Variants in NMRK2 observed in about 807,000 individuals in gnomAD.
The protein encoded by NMRK2 is NRK 2.
In NMRK2, 34 loss-of-function variants were observed where a neutral mutation model predicts 24.7. The observed-to-expected ratio is 1.37, with a 90% CI of 1.05 to 1.83. The LOEUF (loss-of-function observed/expected upper bound fraction) is 1.83. NMRK2 is among the 40% of genes most tolerant of loss of function. The probability of loss-of-function intolerance (pLI) is 0.00; values close to 1 mark genes in which losing one functional copy is unlikely to be tolerated. For synonymous variants in NMRK2, 145 were observed against 125.6 expected, an observed-to-expected ratio of 1.15 and a Z score of -1.03; for missense variants, 341 against 315.0, an observed-to-expected ratio of 1.08 and a Z score of -0.62.
rs768115503 is a variant in NMRK2, at chr19:3,941,073, C to T, written c.398C>T (p.Thr133Ile). 2.5e-6 allele frequency: 4 copies of T among 1,608,790 alleles called. No homozygotes were observed. In the South Asian group the frequency reaches 3.3e-5, roughly 13 times the overall value. The change falls in exon 7 of 8, where the codon ACC (threonine) becomes ATC (isoleucine). Residue 133 changes from threonine to isoleucine, a missense_variant and splice_region_variant. Transcript: ENST00000168977. ...ATCCTTGCCTTCTCCCTCTGCAGTA[C>T]CCGCAACTACACAGTCCCTGATCCC... ...PYEECKWRRS[T>I]RNYTVPDPPG...
rs199559387 is a variant in NMRK2, at chr19:3,938,641, G to T, written c.205G>T (p.Val69Leu). Reference protein sequence around the residue: ...SLDMEAMLDTVQAWLSSPQKF... With the variant: ...SLDMEAMLDTLQAWLSSPQKF... ...GGACATGGAGGCCATGCTGGACACCGTGCAGGCCTGGCTGAGCAGCCCGCA... is the reference window on the plus strand; with the variant it reads ...GGACATGGAGGCCATGCTGGACACCTTGCAGGCCTGGCTGAGCAGCCCGCA... Residue 69 changes from valine (V) to leucine (L), a missense_variant, in exon 5 of 8, where the codon GTG becomes TTG. Coordinates refer to ENST00000168977, the MANE Select transcript of NMRK2 (RefSeq NM_170678.3). The T allele has an allele frequency of 1.3e-4, 212 of 1,609,188 alleles. No homozygotes were observed. In the African/African-American group the frequency reaches 2.6e-3, roughly 20 times the overall value.
At chr19:3,935,584 T>C (rs1197098037) in intron 2 of NMRK2, among the ~76,000 whole-genome samples, 1 of 151,246 alleles carries the variant, frequency 6.6e-6, no homozygotes, top group Non-Finnish European at 1.5e-5. Context: ...TATTTATGTA[T>C]TTATTTATTT....
intron 1 of NMRK2, 135 bp downstream of exon 1, chr19:3,933,313 A>C: frequency 8.3e-6 from 2 of 241,836 alleles, no homozygotes; most frequent in East Asian, 7.7e-5. Context: ...AGGAGGAGGG[A>C]AGAGGGTGGG....
Position 3,933,668 on chromosome 19 carries a change from C to A in NMRK2, c.-4C>A. The stretch of plus-strand genomic sequence containing the variant: ...AGTCGTCCCCGCCGCCCCTCCGCAC[C>A]GGCATGAAGCTCATCGTGGGCATCG... On this transcript the variant is annotated 5_prime_UTR_variant, in exon 2 of 8. Coordinates refer to ENST00000168977, the MANE Select transcript of NMRK2 (RefSeq NM_170678.3). The A allele has an allele frequency of 8.0e-6, 12 of 1,505,616 alleles. No homozygotes were observed. Among genetic ancestry groups the A allele is most frequent in the South Asian group, 1.2e-5 (1 of 81,630 alleles). 93.3% of individuals were successfully genotyped at this position (1,505,616 alleles called of 1,614,324 possible).
intron 3 of NMRK2, 73 bp downstream of exon 3, chr19:3,936,738 C>A: frequency 8.0e-7 from 1 of 1,254,562 alleles, no homozygotes; most frequent in Non-Finnish European, 1.1e-6. Context: ...GCCAGCCCCG[C>A]CCTCCACTGC....
At chr19:3,939,750 C>T (rs562246434) in intron 5 of NMRK2, 150 bp from the exon 6 acceptor site, 2 of 620,426 alleles carry the variant, frequency 3.2e-6, no homozygotes, top group Middle Eastern at 3.5e-4. Context: ...TTGGCCAATT[C>T]AGCTTCCCTC....
chr19:3,936,415 A>C (rs1182206392), intron 2 of NMRK2, among the ~76,000 whole-genome samples, 160 bp from the exon 3 acceptor site: 1 of 151,704 alleles, frequency 6.6e-6, no homozygotes, highest in Non-Finnish European at 1.5e-5. Flanking sequence ...CTCAAAAAAA[A>C]AGAAAAAGAA....
At chr19:3,941,872 A>G (rs888589628) in intron 7 of NMRK2, among the ~76,000 whole-genome samples, 1 of 151,708 alleles carries the variant, frequency 6.6e-6, no homozygotes, top group African/African-American at 2.4e-5. Context: ...CGAACTCCTG[A>G]CCTCGTGATC....
At chr19:3,937,172 C>G in intron 3 of NMRK2, 68 bp from the exon 4 acceptor site, 1 of 1,532,494 alleles carries the variant, frequency 6.5e-7, no homozygotes, top group Non-Finnish European at 9.0e-7. Flanking sequence ...CCCTAAGACT[C>G]CATCACCCAG....
chr19:3,936,165 T>G (rs2039209032), intron 2 of NMRK2, among the ~76,000 whole-genome samples: 1 of 148,470 alleles, frequency 6.7e-6, no homozygotes, highest in Non-Finnish European at 1.5e-5. Context: ...GAGCCAAGAT[T>G]GCGCCATTGT....
intron 6 of NMRK2, 149 bp downstream of exon 6, chr19:3,940,120 G>A: frequency 3.0e-6 from 2 of 668,852 alleles, no homozygotes; most frequent in Non-Finnish European, 5.2e-6. Flanking sequence ...GCTGAGGCAG[G>A]TGGATCACCT....
At chr19:3,934,572 G>T (rs1186065464) in intron 2 of NMRK2, among the ~76,000 whole-genome samples, 2 of 151,148 alleles carry the variant, frequency 1.3e-5, no homozygotes, top group Non-Finnish European at 3.0e-5. Flanking sequence ...TTTTGGGGGG[G>T]GGGTGTTGTT....
Position 3,937,098 on chromosome 19 carries a change from G to T in NMRK2, c.118-142G>T, listed in dbSNP as rs574982284. ...CTAATGAGATGATTGATGGTCTGGGGAAAATCTGAGGGTCAGGCAGAGCCC... is the reference window on the plus strand; with the variant it reads ...CTAATGAGATGATTGATGGTCTGGGTAAAATCTGAGGGTCAGGCAGAGCCC... On this transcript the variant is annotated intron_variant, in intron 3 of 7. Transcript: ENST00000168977. The T allele has an allele frequency of 1.5e-5, 11 of 743,810 alleles. 1 individual carries two copies. The East Asian group carries it at 1.9e-4, about 13-fold the overall frequency. 46.1% of individuals were successfully genotyped at this position (743,810 alleles called of 1,614,324 possible).
At chr19:3,939,350 T>C (rs1405408106) in intron 5 of NMRK2, among the ~76,000 whole-genome samples, 1 of 150,774 alleles carries the variant, frequency 6.6e-6, no homozygotes, top group African/African-American at 2.4e-5. Flanking sequence ...CTGTCTCTAC[T>C]AAAAATACAA....
At chr19:3,941,007 C>T (rs1263398592) in intron 6 of NMRK2, 64 bp from the exon 7 acceptor site, 75 of 1,077,168 alleles carry the variant, frequency 7.0e-5, no homozygotes, top group Middle Eastern at 2.0e-4. Context: ...GGCCCCCCAC[C>T]GGGGGTATAT....
At chr19:3,941,623 C>T (rs960654253) in intron 7 of NMRK2, among the ~76,000 whole-genome samples, 3 of 151,282 alleles carry the variant, frequency 2.0e-5, no homozygotes, top group African/African-American at 4.9e-5. Context: ...CCGTGAGCCT[C>T]GCCCCCAGTC....
intron 4 of NMRK2, among the ~76,000 whole-genome samples, chr19:3,937,701 G>A (rs1300638954): frequency 1.1e-4 from 3 of 26,928 alleles, no homozygotes; most frequent in Admixed American, 4.2e-4. Context: ...CCCGGGGTCC[G>A]CCCTCCTGCA....
At chr19:3,934,555 T>G (rs1408649952) in intron 2 of NMRK2, among the ~76,000 whole-genome samples, 1 of 13,178 alleles carries the variant, frequency 7.6e-5, no homozygotes, top group African/African-American at 2.0e-4. Flanking sequence ...TTTTTTGGGG[T>G]TTTTTTTTTT....
At position 3,941,095 on chromosome 19, in the gene NMRK2, T is replaced by C; in HGVS notation, c.420T>C (p.Asp140=). The change falls in exon 7 of 8, where the codon GAT becomes GAC. Residue 140 remains aspartate (D), a synonymous_variant. Coordinates refer to ENST00000168977, the MANE Select transcript of NMRK2 (RefSeq NM_170678.3). ...GTACCCGCAACTACACAGTCCCTGA[T>C]CCCCCCGGCCTCTTCGATGGCCACG... The part of the protein sequence containing the change: ...RRSTRNYTVP[D]PPGLFDGHVW... 5 of 1,606,178 alleles carry C rather than the reference T, an allele frequency of 3.1e-6. No individual in the cohort carries two copies. Among genetic ancestry groups the C allele is most frequent in the Non-Finnish European group, 4.3e-6 (5 of 1,174,978 alleles).
Sources: allele counts gnomAD v4.1 joint callset (sites outside exome capture counted in the v4.1 genomes callset), GRCh38; gene constraint gnomAD v4.1.1; transcripts MANE v1.5; gene names NCBI Gene and HGNC (gene_info 2026-07-23, HGNC 2026-07-21).